The following SENP6 variants were observed in gnomAD, a reference collection of about 807,000 sequenced individuals.
SENP6 encodes sentrin-specific protease 6.
In SENP6, 41 loss-of-function variants were observed where a neutral mutation model predicts 134.5. That is an observed-to-expected ratio of 0.30 (90% CI 0.24 to 0.40). SENP6 has a LOEUF of 0.40. SENP6 is among the 10% of genes least tolerant of loss of function. The pLI, the probability that SENP6 is intolerant of heterozygous loss-of-function variation, is 1.00. For synonymous variants in SENP6, 395 were observed against 429.8 expected, an observed-to-expected ratio of 0.92 and a Z score of 1.00; for missense variants, 1,248 against 1,312.5, an observed-to-expected ratio of 0.95 and a Z score of 0.76.
chr6:75,699,317 A>T (rs1774865746), intron 18 of SENP6, among the ~76,000 whole-genome samples: 1 of 149,520 alleles, frequency 6.7e-6, no homozygotes, highest in African/African-American at 2.5e-5. Flanking sequence ...AGATTAAAAA[A>T]TAGCCTATAA....
chr6:75,687,539 T>C (rs1367603449), intron 16 of SENP6, among the ~76,000 whole-genome samples: 2 of 152,246 alleles, frequency 1.3e-5, no homozygotes, highest in African/African-American at 4.8e-5. Flanking sequence ...TGTGGTTTTA[T>C]CTACCTTTGG....
intron 16 of SENP6, among the ~76,000 whole-genome samples, chr6:75,691,993 A>T (rs1774309853): frequency 1.3e-5 from 2 of 151,954 alleles, no homozygotes; most frequent in Non-Finnish European, 2.9e-5. Flanking sequence ...AGTAGCTGGG[A>T]TTACAGGCAT....
At chr6:75,633,999 A>C (rs1433034942) in intron 4 of SENP6, among the ~76,000 whole-genome samples, 1 of 152,208 alleles carries the variant, frequency 6.6e-6, no homozygotes, top group Non-Finnish European at 1.5e-5. Context: ...GTAGAATCTC[A>C]GTCATAATAT....
intron 18 of SENP6, among the ~76,000 whole-genome samples, chr6:75,698,580 C>A (rs994664125): frequency 6.6e-6 from 1 of 152,158 alleles, no homozygotes; most frequent in Non-Finnish European, 1.5e-5. Context: ...AGCCATCCCC[C>A]AACCTCAGCC....
chr6:75,626,329 G>T (rs932352560), intron 3 of SENP6, among the ~76,000 whole-genome samples: 4 of 149,924 alleles, frequency 2.7e-5, no homozygotes, highest in African/African-American at 9.9e-5. Flanking sequence ...AAATTATGTG[G>T]CTTAGCTTTT....
At chr6:75,619,516 G>A (rs184257181) in intron 1 of SENP6, among the ~76,000 whole-genome samples, 188 of 151,618 alleles carry the variant, frequency 1.2e-3, no homozygotes, top group African/African-American at 4.3e-3. Context: ...TTAATCTGTT[G>A]ATAGAAATTT....
Position 75,672,419 on chromosome 6 carries a change from T to A in SENP6, c.1392+1699T>A, listed in dbSNP as rs114789197. On this transcript the variant is annotated intron_variant, in intron 11 of 23. Coordinates refer to ENST00000447266, the MANE Select transcript of SENP6 (RefSeq NM_015571.4). Reference sequence around the variant, plus strand: ...AACTTTGTAAATTTAGTTAAAAAAATAAAAGGCAGTATATGTAACATAAAA... The same window carrying A: ...AACTTTGTAAATTTAGTTAAAAAAAAAAAAGGCAGTATATGTAACATAAAA... 8.8e-3 allele frequency among the ~76,000 whole-genome samples: 1,327 copies of A among 151,474 alleles called. 16 individuals are homozygous for A. Among genetic ancestry groups the A allele is most frequent in the African/African-American group, 0.03 (1,218 of 40,798 alleles).
intron 19 of SENP6, 35 bp from the exon 20 acceptor site, chr6:75,709,492 C>T (rs757372246): frequency 1.3e-5 from 18 of 1,422,638 alleles, no homozygotes; most frequent in Non-Finnish European, 1.6e-5. Flanking sequence ...ATAGACATGG[C>T]CTTTTTTATT....
chr6:75,661,458 A>AG (rs1047632911), intron 8 of SENP6, among the ~76,000 whole-genome samples: 2 of 152,212 alleles, frequency 1.3e-5, no homozygotes, highest in Non-Finnish European at 2.9e-5. Context: ...TTGTTTTTAA[A>AG]GTTCAGGGGT....
Position 75,713,762 on chromosome 6 carries a change from A to G in SENP6, c.3066A>G (p.Pro1022=). Residue 1022 remains proline, a synonymous_variant, in exon 23 of 24, where the codon CCA becomes CCG. Transcript: ENST00000447266. ...TGAAGGGCTCTAATCCAAAAGTACC[A>G]CAGCAAAACAACTTCAGTGACTGTG... ...DVMKGSNPKV[P]QQNNFSDCGV... The G allele has an allele frequency of 1.2e-6, 2 of 1,613,632 alleles. No individual in the cohort carries two copies. Among genetic ancestry groups the G allele is most frequent in the Non-Finnish European group, 1.7e-6 (2 of 1,179,722 alleles).
At chr6:75,669,225 G>GC in intron 10 of SENP6, among the ~76,000 whole-genome samples, 1 of 152,076 alleles carries the variant, frequency 6.6e-6, no homozygotes, top group Middle Eastern at 3.2e-3. Context: ...GGTGGTGTGT[G>GC]CCTATAATCC....
intron 3 of SENP6, among the ~76,000 whole-genome samples, chr6:75,630,472 T>G (rs1769028136): frequency 6.6e-6 from 1 of 152,174 alleles, no homozygotes; most frequent in Non-Finnish European, 1.5e-5. Context: ...ATGACTGAAG[T>G]CCCTTACTTA....
intron 1 of SENP6, among the ~76,000 whole-genome samples, chr6:75,621,023 C>T (rs981297514): frequency 2.6e-5 from 4 of 152,138 alleles, no homozygotes; most frequent in Admixed American, 1.3e-4. Flanking sequence ...TCATAATGAG[C>T]ACATTTAGTG....
chr6:75,654,916 T>C (rs1487598518), intron 7 of SENP6: 2 of 152,244 alleles, frequency 1.3e-5, no homozygotes, highest in Non-Finnish European at 2.9e-5. Context: ...TTATGACATG[T>C]CCATCTAGTC....
At chr6:75,608,429 A>G (rs1379174953) in intron 1 of SENP6, among the ~76,000 whole-genome samples, 1 of 152,032 alleles carries the variant, frequency 6.6e-6, no homozygotes, top group Non-Finnish European at 1.5e-5. Flanking sequence ...ACTGCACTTC[A>G]GCCTGGGTGA....
At chr6:75,617,410 G>A (rs1207789864) in intron 1 of SENP6, among the ~76,000 whole-genome samples, 1 of 150,920 alleles carries the variant, frequency 6.6e-6, no homozygotes, top group Non-Finnish European at 1.5e-5. Flanking sequence ...AGTAGGTGGG[G>A]TTACAGGCAT....
rs12195603 is a variant in SENP6 at position 75,695,878 on chromosome 6, G to A, written c.2150G>A (p.Arg717His). 4.9e-5 allele frequency: 78 copies of A among 1,605,794 alleles called. No homozygotes were observed. The highest frequency in any genetic ancestry group is 1.2e-4 in the South Asian group (11 of 88,884). ...IHIFSSFFYK[R>H]LNQRERRNHE... Reference sequence around the variant, plus strand: ...ATATTCAGTTCTTTTTTCTATAAACGCCTTAATCAGAGAGAGAGGAGAAAT... The same window carrying A: ...ATATTCAGTTCTTTTTTCTATAAACACCTTAATCAGAGAGAGAGGAGAAAT... Residue 717 changes from arginine to histidine, a missense_variant, in exon 17 of 24, where the codon CGC becomes CAC. Transcript: ENST00000447266.
intron 9 of SENP6, among the ~76,000 whole-genome samples, chr6:75,663,819 TGTG>T (rs1451281798): frequency 1.1e-5 from 1 of 90,770 alleles, no homozygotes; most frequent in Non-Finnish European, 2.1e-5. Context: ...TTTTTTTTTT[TGTG>T]GGGGGGGGGG....
intron 7 of SENP6, among the ~76,000 whole-genome samples, chr6:75,654,338 C>G (rs1771150320): frequency 6.6e-6 from 1 of 152,184 alleles, no homozygotes; most frequent in African/African-American, 2.4e-5. Flanking sequence ...GGATGGAATG[C>G]AAAGGCACAA....
Sources: allele counts gnomAD v4.1 joint callset (sites outside exome capture counted in the v4.1 genomes callset), GRCh38; gene constraint gnomAD v4.1.1; transcripts MANE v1.5; gene names NCBI Gene and HGNC (gene_info 2026-07-23, HGNC 2026-07-21).